SLC22A9: variants seen among roughly 807,000 people sequenced by gnomAD.
SLC22A9 encodes organic anion transporter 7.
In SLC22A9, 64 loss-of-function variants were observed where a neutral mutation model predicts 50.1. That is an observed-to-expected ratio of 1.28 (90% confidence interval 1.04 to 1.57). The LOEUF is 1.57. Ranked by LOEUF, SLC22A9 falls within the 40% of genes most tolerant of loss-of-function variation. The pLI, the probability that SLC22A9 is intolerant of heterozygous loss-of-function variation, is 0.00. For synonymous variants in SLC22A9, 261 were observed against 242.5 expected, an observed-to-expected ratio of 1.08 and a Z score of -0.71; for missense variants, 757 against 676.1, an observed-to-expected ratio of 1.12 and a Z score of -1.33.
intron 9 of SLC22A9, 74 bp from the exon 10 acceptor site, chr11:63,409,728 T>A: frequency 7.0e-7 from 1 of 1,423,918 alleles, no homozygotes; most frequent in South Asian, 1.2e-5. Flanking sequence ...CCTTAAAGAA[T>A]GCGGGACTTA....
intron 6 of SLC22A9, among the ~76,000 whole-genome samples, chr11:63,386,807 G>GTGT (rs999557348): frequency 5.3e-5 from 8 of 151,208 alleles, no homozygotes; most frequent in East Asian, 1.9e-4. Context: ...GAAGGGTTTT[G>GTGT]TGTTGTTGTT....
chr11:63,393,260 G>A (rs1176636221), intron 6 of SLC22A9, among the ~76,000 whole-genome samples: 2 of 152,040 alleles, frequency 1.3e-5, no homozygotes, highest in Non-Finnish European at 2.9e-5. Context: ...CGATAAAAAG[G>A]GTTGGGTTCT....
intron 4 of SLC22A9, among the ~76,000 whole-genome samples, chr11:63,374,920 T>C (rs2014433982): frequency 1.3e-5 from 2 of 152,186 alleles, no homozygotes; most frequent in South Asian, 4.1e-4. Flanking sequence ...TCCATCTTCC[T>C]TCTATCAGCT....
intron 6 of SLC22A9, among the ~76,000 whole-genome samples, chr11:63,404,515 T>C (rs1428822714): frequency 2.0e-5 from 3 of 152,176 alleles, no homozygotes; most frequent in Non-Finnish European, 4.4e-5. Flanking sequence ...TCTCATCTTA[T>C]GTATTTTTAT....
intron 4 of SLC22A9, 68 bp downstream of exon 4, chr11:63,374,130 C>A: frequency 7.0e-7 from 1 of 1,432,054 alleles, no homozygotes; most frequent in Non-Finnish European, 9.3e-7. Flanking sequence ...AACTAGGACA[C>A]CTGAATTTCT....
At chr11:63,371,354 C>A in intron 2 of SLC22A9, 116 bp downstream of exon 2, 1 of 812,256 alleles carries the variant, frequency 1.2e-6, no homozygotes, top group Non-Finnish European at 1.8e-6. Context: ...GCCCTGATCC[C>A]CAAACAGAAA....
Position 63,373,795 on chromosome 11 carries a change from T to A in SLC22A9, c.658T>A (p.Leu220Ile), listed in dbSNP as rs754547109. The stretch of plus-strand genomic sequence containing the variant: ...GAGCCTCATAACAAATACTATTATG[T>A]TAAGTAAGCCAACACTTTGGATCCA... ...AMSLITNTIM[L>I]IAEWATHRFQ... Residue 220 changes from leucine to isoleucine, a missense_variant, in exon 3 of 10, where the codon TTA becomes ATA. Coordinates refer to ENST00000279178, the MANE Select transcript of SLC22A9 (RefSeq NM_080866.3). 1 of 1,607,846 alleles carries A rather than the reference T, an allele frequency of 6.2e-7. No individual in the cohort carries two copies. The highest frequency in any genetic ancestry group is 1.1e-5 in the South Asian group (1 of 89,918).
rs774274893 is a variant in SLC22A9, at chr11:63,370,118, CTG to C, written c.64_65del (p.Val22PhefsTer35). 2.5e-6 allele frequency: 4 copies of C among 1,614,030 alleles called. No individual in the cohort carries two copies. Among genetic ancestry groups the C allele is most frequent in the Admixed American group, 3.3e-5 (2 of 60,012 alleles). ...CTGTGGAGATTCCAGATCCTTCAGA[CTG>C]TTTTTCTCTCAATCTTTGCTGTTGC... On this transcript the variant is annotated frameshift_variant, in exon 1 of 10. Transcript: ENST00000279178. LOFTEE classifies it high-confidence loss of function.
intron 6 of SLC22A9, among the ~76,000 whole-genome samples, chr11:63,382,987 G>A (rs77142908): frequency 1.3e-5 from 2 of 152,250 alleles, no homozygotes; most frequent in African/African-American, 4.8e-5. Context: ...GAAAAGGAAG[G>A]AGTGGAGCAA....
rs115772880 is a variant in SLC22A9, at chr11:63,381,181, G to A, written c.955-978G>A. 6.1e-3 allele frequency among the ~76,000 whole-genome samples: 931 copies of A among 152,216 alleles called. 10 individuals carry two copies. Among genetic ancestry groups the A allele is most frequent in the African/African-American group, 0.02 (851 of 41,532 alleles). On this transcript the variant is annotated intron_variant, in intron 5 of 9. Transcript: ENST00000279178. Reference sequence around the variant, plus strand: ...CTAACCTAAAGCTGCTCCACATTATGTCAATATCAATCCATTAATTACTCC... The same window carrying A: ...CTAACCTAAAGCTGCTCCACATTATATCAATATCAATCCATTAATTACTCC...
At position 63,369,906 on chromosome 11, in the gene SLC22A9, C is replaced by T; in HGVS notation, c.-151C>T. 1 of 743,232 alleles carries T rather than the reference C, an allele frequency of 1.3e-6. No homozygotes were observed. The highest frequency in any genetic ancestry group is 2.1e-6 in the Non-Finnish European group (1 of 478,070). 46.0% of individuals were successfully genotyped at this position (743,232 alleles called of 1,614,324 possible). ...TGAGGAAACTGTTTCCACGGTCCTG[C>T]TGCAGAGGGGAAGCACAGTCGTCAA... On this transcript the variant is annotated 5_prime_UTR_variant, in exon 1 of 10. Transcript: ENST00000279178.
intron 2 of SLC22A9, among the ~76,000 whole-genome samples, chr11:63,372,530 A>G (rs116042509): frequency 0.014 from 2,095 of 152,282 alleles, 57 homozygotes; most frequent in African/African-American, 0.047. Context: ...AAGGAACTAC[A>G]TTATGATGTG....
At chr11:63,373,555 CT>C in intron 2 of SLC22A9, 88 bp from the exon 3 acceptor site, 1 of 1,319,286 alleles carries the variant, frequency 7.6e-7, no homozygotes, top group Non-Finnish European at 1.0e-6. Context: ...TGTTAAACAT[CT>C]TTTAAGTTTC....
chr11:63,371,281 A>T, intron 2 of SLC22A9, 43 bp downstream of exon 2: 1 of 1,412,142 alleles, frequency 7.1e-7, no homozygotes, highest in South Asian at 1.2e-5. Context: ...GGCATTTTTT[A>T]TCAACTTATG....
Position 63,375,679 on chromosome 11 carries a change from A to C in SLC22A9, c.865A>C (p.Asn289His), listed in dbSNP as rs1473371925. The C allele has an allele frequency of 5.0e-6, 8 of 1,612,606 alleles. No individual in the cohort carries two copies. Among genetic ancestry groups the C allele is most frequent in the Non-Finnish European group, 4.2e-6 (5 of 1,179,104 alleles). Residue 289 changes from asparagine to histidine, a missense_variant, in exon 5 of 10, where the codon AAC (asparagine) becomes CAC (histidine). Asn to His is a moderately conservative substitution (Grantham distance 68). Coordinates refer to ENST00000279178, the MANE Select transcript of SLC22A9 (RefSeq NM_080866.3). ...LLESARWLII[N>H]NKPEEGLKEL... ...AGAGTCTGCTCGGTGGCTCATTATC[A>C]ACAATAAACCAGAGGAAGGCTTAAA...
At chr11:63,372,549 G>T (rs2014381163) in intron 2 of SLC22A9, among the ~76,000 whole-genome samples, 1 of 152,058 alleles carries the variant, frequency 6.6e-6, no homozygotes. Flanking sequence ...TGAGAAAAGG[G>T]AGAAATCTAA....
At chr11:63,403,566 G>C (rs923827145) in intron 6 of SLC22A9, among the ~76,000 whole-genome samples, 1 of 151,948 alleles carries the variant, frequency 6.6e-6, no homozygotes, top group Non-Finnish European at 1.5e-5. Context: ...GAAAAGTCCA[G>C]TATTAATATT....
chr11:63,376,577 T>C (rs2014464619), intron 5 of SLC22A9, among the ~76,000 whole-genome samples: 1 of 151,492 alleles, frequency 6.6e-6, no homozygotes, highest in Non-Finnish European at 1.5e-5. Flanking sequence ...ATGGACAGAT[T>C]TAAATCCAAA....
intron 6 of SLC22A9, among the ~76,000 whole-genome samples, chr11:63,398,740 C>T (rs926268936): frequency 6.6e-6 from 1 of 152,206 alleles, no homozygotes; most frequent in African/African-American, 2.4e-5. Context: ...GTCTTTCCTA[C>T]CCTCTTCAGT....
Sources: allele counts gnomAD v4.1 joint callset (sites outside exome capture counted in the v4.1 genomes callset), GRCh38; gene constraint gnomAD v4.1.1; transcripts MANE v1.5; gene names NCBI Gene and HGNC (gene_info 2026-07-23, HGNC 2026-07-21).